MYH11: variants seen among roughly 807,000 people sequenced by gnomAD.
MYH11 encodes myosin heavy chain 11.
Under a neutral mutation model 246.6 loss-of-function variants are expected in MYH11, and 80 were observed. The observed-to-expected ratio is 0.32, with a 90% CI of 0.27 to 0.39. MYH11 has a LOEUF of 0.39. Among genes scored for constraint, MYH11 ranks in the 10% least tolerant of loss-of-function variants. The pLI is 1.00. For synonymous variants in MYH11, 1,071 were observed against 1,015.5 expected, an observed-to-expected ratio of 1.05 and a Z score of -1.04; for missense variants, 2,158 against 2,546.8, an observed-to-expected ratio of 0.85 and a Z score of 3.29.
chr16:15,830,598 C>G (rs573939039), intron 2 of MYH11, among the ~76,000 whole-genome samples: 15 of 152,188 alleles, frequency 9.9e-5, no homozygotes, highest in Admixed American at 2.6e-4. Context: ...TCACTGGAGG[C>G]TGGATGGAGC....
intron 3 of MYH11, among the ~76,000 whole-genome samples, chr16:15,816,733 CAAAATT>C (rs933548627): frequency 3.4e-5 from 5 of 145,244 alleles, no homozygotes; most frequent in African/African-American, 7.8e-5. Context: ...AAATTGAAAA[CAAAATT>C]AAGATAGCAG....
At chr16:15,718,287 G>T (rs1415554673) in intron 37 of MYH11, 28 bp downstream of exon 37, 4 of 1,606,770 alleles carry the variant, frequency 2.5e-6, no homozygotes. Context: ...AGTAGGCAGC[G>T]TGACTGTGGT....
In MYH11 at chr16:15,837,307, A is replaced by G. The variant is rs189706199; in HGVS notation, c.345+601T>C. Reference sequence around the variant, plus strand: ...GAAGGAAGGACAGAGAACGATGCCAATGAAATCTGTTGAGAGTTTATCATA... The same window carrying G: ...GAAGGAAGGACAGAGAACGATGCCAGTGAAATCTGTTGAGAGTTTATCATA... On this transcript the variant is annotated intron_variant, in intron 2 of 40. Coordinates refer to ENST00000300036, the MANE Select transcript of MYH11 (RefSeq NM_002474.3). Among the ~76,000 whole-genome samples the G allele has an allele frequency of 2.7e-3, 405 of 152,304 alleles. 1 individual carries two copies. Among genetic ancestry groups the G allele is most frequent in the Middle Eastern group, 0.01 (3 of 294 alleles).
At chr16:15,810,400 G>A (rs2043111878) in intron 3 of MYH11, among the ~76,000 whole-genome samples, 1 of 151,852 alleles carries the variant, frequency 6.6e-6, no homozygotes, top group Non-Finnish European at 1.5e-5. Flanking sequence ...TGCACCATGG[G>A]TACCAAAAAT....
chr16:15,763,741 T>TGGGGGGGGCCCCCCCCCCCCCCCC, intron 10 of MYH11, 55 bp downstream of exon 10: 1 of 646,862 alleles, frequency 1.5e-6, no homozygotes, highest in Non-Finnish European at 2.9e-6. Flanking sequence ...AAATGTCACC[T>TGGGGGGGGCCCCCCCCCCCCCCCC]CCCCCACCCC....
chr16:15,735,268 G>C, intron 26 of MYH11, 98 bp downstream of exon 26: 1 of 1,319,304 alleles, frequency 7.6e-7, no homozygotes, highest in South Asian at 1.2e-5. Context: ...AAATGCACAG[G>C]GGCTGATGCA....
rs779452783 is a variant in MYH11, at chr16:15,717,288, C to T, written c.5356G>A (p.Ala1786Thr). Residue 1786 changes from alanine (A) to threonine (T), a missense_variant, in exon 38 of 41, where the codon GCC becomes ACC. Ala to Thr is a moderately conservative substitution (Grantham distance 58). Transcript: ENST00000300036. ...ERSTAQKNESARQQLERQNKE... is the reference protein window; with the variant it reads ...ERSTAQKNESTRQQLERQNKE... ...TTCTGCCGCTCGAGCTGCTGCCGGG[C>T]ACTCTCATTCTTCTGGGCCGTGCTG... The T allele has an allele frequency of 2.5e-6, 4 of 1,613,462 alleles. No homozygotes were observed. The East Asian group carries it at 8.9e-5, about 36-fold the overall frequency.
At chr16:15,726,364 TTTTTC>T (rs2151223629) in intron 28 of MYH11, 1 of 168,436 alleles carries the variant, frequency 5.9e-6, no homozygotes, top group African/African-American at 2.7e-5. Flanking sequence ...GGAAGGGTTT[TTTTTC>T]TTTTTTTTTT....
intron 2 of MYH11, among the ~76,000 whole-genome samples, chr16:15,830,898 A>T (rs192267906): frequency 1.3e-5 from 2 of 151,548 alleles, no homozygotes; most frequent in African/African-American, 4.9e-5. Context: ...TAGGCTGGGC[A>T]CAGTGGCTTA....
At position 15,812,669 on chromosome 16, in the gene MYH11, T is replaced by C. The variant is rs1463520654; in HGVS notation, c.502+10586A>G. On this transcript the variant is annotated intron_variant, in intron 3 of 40. Coordinates refer to ENST00000300036, the MANE Select transcript of MYH11 (RefSeq NM_002474.3). ...AGGTGGATCACTTGAGCTCAGGAGT[T>C]CAAGACCAGCCTGGGCAACATGGTG... Among the ~76,000 whole-genome samples the C allele has an allele frequency of 4.1e-5, 6 of 148,052 alleles. No individual in the cohort carries two copies. In the East Asian group the frequency reaches 1.2e-3, roughly 30 times the overall value.
chr16:15,718,130 C>G (rs1163653251), intron 37 of MYH11, 185 bp downstream of exon 37: 2 of 918,126 alleles, frequency 2.2e-6, no homozygotes, highest in Admixed American at 2.2e-5. Flanking sequence ...GAGGAGTATT[C>G]TGAAGACAGC....
At chr16:15,704,169 G>A (rs2039328222) in intron 40 of MYH11, 46 bp from the exon 41 acceptor site, 1 of 1,609,264 alleles carries the variant, frequency 6.2e-7, no homozygotes, top group Non-Finnish European at 8.5e-7. Context: ...AAATCTTCAT[G>A]GTTGGGATAG....
rs779639232 is a variant in MYH11 at position 15,719,298 on chromosome 16, G to A, written c.5093C>T (p.Ala1698Val). 12 of 1,611,520 alleles carry A rather than the reference G, an allele frequency of 7.4e-6. No individual in the cohort carries two copies. The East Asian group carries it at 2.7e-4, about 36-fold the overall frequency. Residue 1698 changes from alanine (A) to valine (V), a missense_variant, in exon 36 of 41, where the codon GCC becomes GTC. Around this residue, in one of 11 missense-constraint regions of MYH11, gnomAD observed 1,013 missense variants for 993.5 expected, o/e 1.02. Coordinates refer to ENST00000300036, the MANE Select transcript of MYH11 (RefSeq NM_002474.3). ...CGCTTGTTTGCGAGCCCTCTCAGCG[G>A]CGGCGAGGTCCTAGGTGGGAGGGAG... ...DLMQLQEDLA[A>V]AERARKQADL... is the part of the protein sequence containing the mutation.
intron 27 of MYH11, among the ~76,000 whole-genome samples, chr16:15,731,972 A>T (rs1007611554): frequency 1.1e-4 from 17 of 150,550 alleles, no homozygotes; most frequent in South Asian, 2.1e-4. Flanking sequence ...ATTTTATTTT[A>T]TTTTTTTGAG....
intron 1 of MYH11, among the ~76,000 whole-genome samples, chr16:15,850,024 T>A (rs184423814): frequency 8.4e-4 from 128 of 152,328 alleles, no homozygotes; most frequent in Admixed American, 5.8e-3. Context: ...TGTTTTACCA[T>A]CAGTTTCATT....
chr16:15,725,217 C>A lies in MYH11; in HGVS notation c.3859-225G>T, dbSNP rs554537782. ...AACTCCGTCACCTATGAGTTGGGAC[C>A]CTGGCCCTAGACTCTGTGGTTCTAA... On this transcript the variant is annotated intron_variant, in intron 28 of 40. Coordinates refer to ENST00000300036, the MANE Select transcript of MYH11 (RefSeq NM_002474.3). 54 of 611,768 alleles carry A rather than the reference C, an allele frequency of 8.8e-5. No individual in the cohort carries two copies. The African/African-American group carries it at 9.3e-4, about 10-fold the overall frequency. 37.9% of individuals were successfully genotyped at this position (611,768 alleles called of 1,614,324 possible). A position where few individuals can be genotyped will look rare whatever the true frequency, so the allele number is the denominator to read the frequency against.
intron 1 of MYH11, among the ~76,000 whole-genome samples, chr16:15,850,800 T>C (rs2044310659): frequency 6.6e-6 from 1 of 151,444 alleles, no homozygotes; most frequent in African/African-American, 2.4e-5. Flanking sequence ...GAGGCTGAGG[T>C]GGGAAGATCG....
chr16:15,726,364 T>C (rs1426468851), intron 28 of MYH11: 1 of 168,340 alleles, frequency 5.9e-6, no homozygotes, highest in Admixed American at 5.5e-5. Flanking sequence ...GGAAGGGTTT[T>C]TTTTCTTTTT....
intron 9 of MYH11, among the ~76,000 whole-genome samples, chr16:15,767,746 G>C (rs968561355): frequency 6.6e-6 from 1 of 151,892 alleles, no homozygotes; most frequent in Admixed American, 6.6e-5. Flanking sequence ...CTTTATGATG[G>C]ACAGAAGAGA....
Sources: gnomAD v4.1 joint callset for allele counts (sites outside exome capture counted in the v4.1 genomes callset) on GRCh38, gnomAD v4.1.1 for gene constraint, gnomAD v4.1.1 regional missense constraint, MANE v1.5 for transcripts, NCBI Gene and HGNC (gene_info 2026-07-23, HGNC 2026-07-21) for gene names.